Variants in MICAL2 observed in about 807,000 individuals in gnomAD.
MICAL2 encodes microtubule associated monooxygenase, calponin and LIM domain containing 2.
Under a neutral mutation model 127.3 loss-of-function variants are expected in MICAL2, and 77 were observed. The ratio of observed to expected loss-of-function variants is 0.60; its 90% confidence interval spans 0.50 to 0.73. The LOEUF (loss-of-function observed/expected upper bound fraction) is 0.73. MICAL2 is among the 30% of genes least tolerant of loss of function. The probability of loss-of-function intolerance (pLI) is 0.00; values close to 1 mark genes in which losing one functional copy is unlikely to be tolerated. For missense variants in MICAL2, 1,351 were observed against 1,434.4 expected (o/e 0.94, Z 0.94); for synonymous variants, 570 against 551.1 (o/e 1.03, Z -0.48).
chr11:12,210,863 G>A (rs1223634459), intron 6 of MICAL2, among the ~76,000 whole-genome samples: 1 of 152,210 alleles, frequency 6.6e-6, no homozygotes, highest in Non-Finnish European at 1.5e-5. Context: ...AGACTGCCCT[G>A]TGCATTGTAG....
chr11:12,360,219 C>G (rs1036525590), downstream of MICAL2, among the ~76,000 whole-genome samples: 3 of 151,070 alleles, frequency 2.0e-5, no homozygotes, highest in Non-Finnish European at 2.9e-5. Context: ...AACTGTACCA[C>G]TTCTGGATAT....
chr11:12,135,987 G>C (rs147496556), intron 1 of MICAL2, among the ~76,000 whole-genome samples: 2 of 152,248 alleles, frequency 1.3e-5, no homozygotes, highest in East Asian at 3.9e-4. Context: ...TATTTACTGA[G>C]GGCCTGGAGG....
intron 3 of MICAL2, among the ~76,000 whole-genome samples, chr11:12,197,965 G>A (rs1434787745): frequency 3.9e-5 from 6 of 152,222 alleles, no homozygotes; most frequent in Admixed American, 6.5e-5. Flanking sequence ...GATAAGTGGT[G>A]TGTAATTGTT....
At chr11:12,157,266 G>A (rs1000563408) in intron 2 of MICAL2, among the ~76,000 whole-genome samples, 1 of 152,194 alleles carries the variant, frequency 6.6e-6, no homozygotes, top group Non-Finnish European at 1.5e-5. Flanking sequence ...CCTGCAGATC[G>A]GGATGGGGAG....
intron 2 of MICAL2, among the ~76,000 whole-genome samples, chr11:12,157,086 G>A (rs181813313): frequency 9.8e-5 from 15 of 152,300 alleles, no homozygotes; most frequent in African/African-American, 3.6e-4. Flanking sequence ...TTTTCTCCTG[G>A]GCAAACTGCT....
At chr11:12,329,581 T>A (rs542104301) in intron 32 of MICAL2, among the ~76,000 whole-genome samples, 1 of 152,250 alleles carries the variant, frequency 6.6e-6, no homozygotes, top group Non-Finnish European at 1.5e-5. Context: ...TCACTTAACC[T>A]CTCTGGTCCT....
At chr11:12,170,816 G>A (rs1400492831) in intron 3 of MICAL2, among the ~76,000 whole-genome samples, 4 of 152,196 alleles carry the variant, frequency 2.6e-5, no homozygotes, top group Non-Finnish European at 4.4e-5. Flanking sequence ...GCCCCACATT[G>A]ATGGCTTTGT....
downstream of MICAL2, among the ~76,000 whole-genome samples, chr11:12,267,668 G>A (rs558918649): frequency 6.6e-6 from 1 of 152,228 alleles, no homozygotes; most frequent in South Asian, 2.1e-4. Context: ...CTGGAGTGAT[G>A]TCAGCTCGCT....
At chr11:12,259,699 G>T in intron 25 of MICAL2, 96 bp from the exon 26 acceptor site, 1 of 1,135,604 alleles carries the variant, frequency 8.8e-7, no homozygotes. Flanking sequence ...TGGTTGCAGG[G>T]TCTGGCGAGT....
chr11:12,302,551 A>T (rs1864059240), intron 29 of MICAL2, among the ~76,000 whole-genome samples: 1 of 152,094 alleles, frequency 6.6e-6, no homozygotes, highest in African/African-American at 2.4e-5. Flanking sequence ...GCTTATTTAG[A>T]TATTCTTCTG....
chr11:12,295,947 T>TA (rs1264763387), downstream of MICAL2, among the ~76,000 whole-genome samples: 1 of 152,186 alleles, frequency 6.6e-6, no homozygotes, highest in Non-Finnish European at 1.5e-5. Flanking sequence ...CCTAAACACT[T>TA]ACGCATATTT....
intron 22 of MICAL2, among the ~76,000 whole-genome samples, chr11:12,251,597 AAAAAAAAG>A (rs1029929772): frequency 6.1e-5 from 9 of 147,868 alleles, no homozygotes; most frequent in African/African-American, 2.4e-4. Flanking sequence ...AAAAAAAAAA[AAAAAAAAG>A]GAATGTCACC....
intron 3 of MICAL2, among the ~76,000 whole-genome samples, chr11:12,163,444 T>C (rs1855085220): frequency 6.6e-6 from 1 of 152,124 alleles, no homozygotes; most frequent in African/African-American, 2.4e-5. Flanking sequence ...GTCGGGACTG[T>C]TGTGTTTTTG....
chr11:12,327,091 C>A, intron 31 of MICAL2: 1 of 1,270,544 alleles, frequency 7.9e-7, no homozygotes, highest in Non-Finnish European at 1.1e-6. Flanking sequence ...CCTCTTTCTC[C>A]TGGAAAGTAA....
chr11:12,136,700 A>G (rs1851865810), intron 1 of MICAL2, among the ~76,000 whole-genome samples: 1 of 151,746 alleles, frequency 6.6e-6, no homozygotes, highest in Admixed American at 6.6e-5. Context: ...GCTCAAGTGT[A>G]TTTGGCTTGT....
intron 2 of MICAL2, among the ~76,000 whole-genome samples, chr11:12,282,344 C>A (rs747204406): frequency 6.6e-6 from 1 of 152,160 alleles, no homozygotes; most frequent in Non-Finnish European, 1.5e-5. Context: ...CTGGTTACTG[C>A]GTGGCCTTGG....
intron 34 of MICAL2, among the ~76,000 whole-genome samples, chr11:12,358,010 G>A (rs1475259500): frequency 6.6e-6 from 1 of 152,026 alleles, no homozygotes; most frequent in African/African-American, 2.4e-5. Context: ...GAAGGTTGGG[G>A]GATTTGATAG....
At chr11:12,318,014 A>C (rs769514707) in intron 29 of MICAL2, among the ~76,000 whole-genome samples, 8 of 152,242 alleles carry the variant, frequency 5.3e-5, no homozygotes, top group Non-Finnish European at 1.2e-4. Flanking sequence ...TCCATAAACA[A>C]AGGCTAAATA....
intron 29 of MICAL2, among the ~76,000 whole-genome samples, chr11:12,317,732 C>T (rs1037725028): frequency 1.3e-5 from 2 of 150,926 alleles, no homozygotes; most frequent in African/African-American, 2.4e-5. Flanking sequence ...GCGGAGGTTG[C>T]GGTGAGCCCA....
Sources: allele counts gnomAD v4.1 joint callset (sites outside exome capture counted in the v4.1 genomes callset), GRCh38; gene constraint gnomAD v4.1.1; transcripts MANE v1.5; gene names NCBI Gene and HGNC (gene_info 2026-07-23, HGNC 2026-07-21).